Variants in PTOV1 observed in about 807,000 individuals in gnomAD.
The protein encoded by PTOV1 is prostate tumor-overexpressed gene 1 protein.
PTOV1 carries 20 observed loss-of-function variants against 58.0 expected under a neutral mutation model. The ratio of observed to expected loss-of-function variants is 0.34; its 90% CI spans 0.24 to 0.50. PTOV1 has a LOEUF of 0.50. Among genes scored for constraint, PTOV1 ranks in the 20% least tolerant of loss-of-function variants. The pLI is 0.98. For synonymous variants in PTOV1, 335 were observed against 234.2 expected (o/e 1.43, Z -3.93); for missense variants, 593 against 565.4 (o/e 1.05, Z -0.50).
At chr19:49,850,918 A>C (rs1466783455), upstream of PTOV1, 5 of 1,535,742 alleles carry the variant, frequency 3.3e-6, no homozygotes, top group East Asian at 1.2e-4. Flanking sequence ...GCAAGGGGCC[A>C]GCTTGGTGTC....
chr19:49,858,983 T>C (rs946213439), intron 10 of PTOV1: 15 of 232,772 alleles, frequency 6.4e-5, no homozygotes, highest in Middle Eastern at 1.4e-3. Flanking sequence ...AAAGGCCCAT[T>C]GCTGGGCAGG....
exon 9 of PTOV1, chr19:49,858,099 C>T: frequency 6.2e-7 from 1 of 1,613,724 alleles, no homozygotes; most frequent in Non-Finnish European, 8.5e-7. Context: ...TGCAGCTCAT[C>T]CCGCAGCAGC....
intron 9 of PTOV1, chr19:49,858,337 C>CG: frequency 1.4e-6 from 1 of 696,648 alleles, no homozygotes; most frequent in South Asian, 1.9e-5. Flanking sequence ...GGGGCAGCCA[C>CG]GACCTGCACC....
chr19:49,856,537 T>C (rs1025090367), intron 5 of PTOV1: 10 of 191,344 alleles, frequency 5.2e-5, no homozygotes, highest in Admixed American at 1.6e-4. Context: ...GCACCAACTG[T>C]GTGCACTATT....
chr19:49,852,002 A>G (rs868281623), intron 1 of PTOV1: 2 of 985,440 alleles, frequency 2.0e-6, no homozygotes, highest in Non-Finnish European at 2.4e-6. Context: ...GCCCGCGCCC[A>G]CATGTGGGAT....
chr19:49,856,847 C>A (rs2122228575), intron 5 of PTOV1, 128 bp from the exon 6 acceptor site: 5 of 1,144,992 alleles, frequency 4.4e-6, no homozygotes, highest in Non-Finnish European at 6.2e-6. Flanking sequence ...ATGGCCATGG[C>A]CTTGACTGTG....
At chr19:49,857,416 G>T (rs558203051) in intron 6 of PTOV1, 36 of 606,478 alleles carry the variant, frequency 5.9e-5, no homozygotes, top group South Asian at 1.2e-4. Flanking sequence ...GGAAGGCCCT[G>T]CCTGGTAACC....
At chr19:49,850,766 CTCAGTGGGTTCCCTT>C (rs1027891430), upstream of PTOV1, 25 of 1,327,476 alleles carry the variant, frequency 1.9e-5, no homozygotes, top group African/African-American at 2.8e-4. Flanking sequence ...AATCCGTACC[CTCAGTGGGTTCCCTT>C]TCAGTGGGTT....
chr19:49,851,740 A>G lies in PTOV1; in HGVS notation c.171+241A>G, dbSNP rs946600163. The G allele has an allele frequency of 2.7e-6, 3 of 1,108,456 alleles. No individual in the cohort carries two copies. The African/African-American group carries it at 5.0e-5, about 18-fold the overall frequency. 68.7% of individuals were successfully genotyped at this position (1,108,456 alleles called of 1,614,324 possible). ...GGGGACGGGGGCGGGGCGGGCTCAT[A>G]TTACTGCTGACTCCGCGGCCCGATT... On this transcript the variant is annotated intron_variant, in intron 1 of 11. Transcript: ENST00000391842.
At chr19:49,852,335 A>G (rs1467191528) in intron 1 of PTOV1, 1 of 152,542 alleles carries the variant, frequency 6.6e-6, no homozygotes, top group Non-Finnish European at 1.5e-5. Flanking sequence ...CGAGACTTAG[A>G]TCACCTCCCA....
chr19:49,857,103 C>T, exon 6 of PTOV1: 2 of 1,614,076 alleles, frequency 1.2e-6, no homozygotes, highest in South Asian at 1.1e-5. Context: ...TCAGTGCCAT[C>T]CGGCAGGTCA....
chr19:49,851,567 C>T lies in PTOV1; in HGVS notation c.171+68C>T, dbSNP rs867947492. On this transcript the variant is annotated intron_variant, in intron 1 of 11. Coordinates refer to ENST00000391842, the Ensembl canonical transcript of PTOV1. ...CCCCCCAGCCCCTATCCCGGGCTCA[C>T]GCCTTTGTCCGCAGCCCCCGCCGCT... 5.8e-6 allele frequency: 6 copies of T among 1,032,004 alleles called. No homozygotes were observed. The South Asian group carries it at 2.9e-4, about 49-fold the overall frequency. The allele number at this position is 1,032,004 out of a possible 1,614,324, so 63.9% of individuals were successfully genotyped here.
At chr19:49,854,759 G>A in intron 3 of PTOV1, 25 bp downstream of exon 3, 1 of 1,613,288 alleles carries the variant, frequency 6.2e-7, no homozygotes, top group Non-Finnish European at 8.5e-7. Flanking sequence ...GTGGCAGCCA[G>A]GGCGGTGGCA....
chr19:49,854,894 A>ACC lies in PTOV1; in HGVS notation c.450+8_450+9dup. 3.2e-6 allele frequency: 5 copies of ACC among 1,559,818 alleles called. No homozygotes were observed. The highest frequency in any genetic ancestry group is 4.4e-6 in the Non-Finnish European group (5 of 1,137,926). ...TGATCCCTCAGCAGCTGCTGGTGAG[A>ACC]CCCGCCCCTCCCACCCCATCCACTC... is the stretch of plus-strand genomic sequence containing the variant. On this transcript the variant is annotated splice_region_variant and intron_variant, in intron 4 of 11. Coordinates refer to ENST00000391842, the Ensembl canonical transcript of PTOV1.
chr19:49,854,744 G>C lies in PTOV1; in HGVS notation c.392+10G>C. The C allele has an allele frequency of 6.2e-7, 1 of 1,613,282 alleles. No homozygotes were observed. Among genetic ancestry groups the C allele is most frequent in the Non-Finnish European group, 8.5e-7 (1 of 1,179,950 alleles). ...ACCAAGGCGAGAACCTGTGAGTGCCGGGGCGTGGCAGCCAGGGCGGTGGCA... is the reference window on the plus strand; with the variant it reads ...ACCAAGGCGAGAACCTGTGAGTGCCCGGGCGTGGCAGCCAGGGCGGTGGCA... On this transcript the variant is annotated intron_variant, in intron 3 of 11. Coordinates refer to ENST00000391842, the Ensembl canonical transcript of PTOV1.
At chr19:49,851,063 T>TCCCG (rs2074220668), upstream of PTOV1, 4 of 1,475,334 alleles carry the variant, frequency 2.7e-6, no homozygotes, top group Non-Finnish European at 3.6e-6. Context: ...CACACTCCGC[T>TCCCG]CCCGCCCGGG....
At chr19:49,856,759 G>A (rs1371344887) in intron 5 of PTOV1, 2 of 557,060 alleles carry the variant, frequency 3.6e-6, no homozygotes, top group African/African-American at 1.9e-5. Context: ...TGGGTGCCGG[G>A]TGCCACTCTG....
chr19:49,853,309 G>C (rs1008563843), intron 1 of PTOV1: 3 of 152,182 alleles, frequency 2.0e-5, no homozygotes, highest in African/African-American at 4.8e-5. Flanking sequence ...CCTGCTGCCA[G>C]GCTGTTTGCG....
At position 49,854,893 on chromosome 19, in the gene PTOV1, G is replaced by GGGCCCCC; in HGVS notation, c.450+5_450+6insGGCCCCC. The GGGCCCCC allele has an allele frequency of 3.1e-6, 5 of 1,603,514 alleles. No individual in the cohort carries two copies. The highest frequency in any genetic ancestry group is 4.3e-6 in the Non-Finnish European group (5 of 1,173,304). On this transcript the variant is annotated splice_donor_region_variant and intron_variant, in intron 4 of 11. Transcript: ENST00000391842. ...CTGATCCCTCAGCAGCTGCTGGTGA[G>GGGCCCCC]ACCCGCCCCTCCCACCCCATCCACT... is the stretch of plus-strand genomic sequence containing the variant.
Sources: gnomAD v4.1 joint callset for allele counts on GRCh38, gnomAD v4.1.1 for gene constraint, MANE v1.5 for transcripts, NCBI Gene and HGNC (gene_info 2026-07-23, HGNC 2026-07-21) for gene names.